The following CACNA2D2 variants were observed in gnomAD, a reference collection of about 807,000 sequenced individuals.
CACNA2D2 encodes the protein voltage-dependent calcium channel subunit alpha-2/delta-2.
A neutral mutation model predicts 166.4 loss-of-function variants in CACNA2D2; 48 were observed. That is an observed-to-expected ratio of 0.29 (90% CI 0.23 to 0.37). The LOEUF (loss-of-function observed/expected upper bound fraction) is 0.37, where lower values mean the gene tolerates loss of function less well. CACNA2D2 is among the 10% of genes least tolerant of loss of function. The probability of loss-of-function intolerance (pLI) is 1.00; values close to 1 mark genes in which losing one functional copy is unlikely to be tolerated. For missense variants in CACNA2D2, 1,122 were observed against 1,433.0 expected (o/e 0.78, Z 3.50); for synonymous variants, 561 against 573.7 (o/e 0.98, Z 0.32).
At chr3:50,404,182 G>C (rs2236958) in intron 3 of CACNA2D2, among the ~76,000 whole-genome samples, 23,850 of 152,134 alleles carry the variant, frequency 0.16, 2,572 homozygotes, top group East Asian at 0.42. Context: ...ACAGAGAATA[G>C]GGATCCAAGA....
At chr3:50,410,400 G>A (rs1206271592) in intron 3 of CACNA2D2, among the ~76,000 whole-genome samples, 2 of 152,204 alleles carry the variant, frequency 1.3e-5, no homozygotes, top group Admixed American at 6.5e-5. Context: ...AGGAGGCAGT[G>A]AGGCTAAGCA....
rs1704452190 is a variant in CACNA2D2 at position 50,368,176 on chromosome 3, A to G, written c.2105T>C (p.Ile702Thr). 2 of 1,613,978 alleles carry G rather than the reference A, an allele frequency of 1.2e-6. No homozygotes were observed. Among genetic ancestry groups the G allele is most frequent in the African/African-American group, 1.3e-5 (1 of 75,056 alleles). ...TGGAGTCACTTTCTCCATGAGCTCA[A>G]TAAAGTTTTTCAGGAACTCGGTGTT... ...DNNTEFLKNF[I>T]ELMEKVTPDS... Residue 702 changes from isoleucine to threonine, a missense_variant, in exon 24 of 38, where the codon ATT becomes ACT. Ile to Thr is a moderately conservative substitution (Grantham distance 89). Coordinates refer to ENST00000424201, the MANE Select transcript of CACNA2D2 (RefSeq NM_006030.4).
Position 50,365,080 on chromosome 3 carries a change from G to T in CACNA2D2, c.3203C>A (p.Thr1068Lys), listed in dbSNP as rs772333671. Residue 1068 changes from threonine (T) to lysine (K), a missense_variant, in exon 36 of 38, where the codon ACG becomes AAG. Physicochemically the swap from Thr to Lys is moderately conservative, Grantham distance 78 (BLOSUM62 -1). Coordinates refer to ENST00000424201, the MANE Select transcript of CACNA2D2 (RefSeq NM_006030.4). The surrounding 1 kb of genome is among the most constrained non-coding windows in gnomAD (Gnocchi z 4.5). ...CEAGRLLQKE[T>K]HSDGPEQCEL... is the part of the protein sequence containing the mutation. ...GGAGGGCGGGGGCAGGATACAGTGC[G>T]TCTCCTTCTGCAGCAGCCGGCCAGC... 1 of 1,611,080 alleles carries T rather than the reference G, an allele frequency of 6.2e-7. No homozygotes were observed. Among genetic ancestry groups the T allele is most frequent in the Non-Finnish European group, 8.5e-7 (1 of 1,179,374 alleles).
intron 1 of CACNA2D2, among the ~76,000 whole-genome samples, chr3:50,483,879 C>G (rs905957564): frequency 6.6e-6 from 1 of 152,194 alleles, no homozygotes; most frequent in Non-Finnish European, 1.5e-5. Context: ...GCATAGCAGC[C>G]AGATCACTAT....
intron 2 of CACNA2D2, among the ~76,000 whole-genome samples, chr3:50,437,130 T>G (rs1051409134): frequency 1.3e-5 from 2 of 152,188 alleles, no homozygotes; most frequent in Non-Finnish European, 2.9e-5. Flanking sequence ...TGCCTGCGGC[T>G]GCATGAGCCC....
At chr3:50,484,449 C>G (rs1698189185) in intron 1 of CACNA2D2, among the ~76,000 whole-genome samples, 2 of 152,186 alleles carry the variant, frequency 1.3e-5, no homozygotes, top group South Asian at 4.1e-4. Context: ...CAAGTCCACC[C>G]AGTGGCCGCA....
chr3:50,488,508 G>A (rs957837428), intron 1 of CACNA2D2, among the ~76,000 whole-genome samples: 2 of 151,948 alleles, frequency 1.3e-5, no homozygotes, highest in African/African-American at 2.4e-5. Flanking sequence ...CCCAGGGTGA[G>A]GGCAGCAGAG....
At chr3:50,404,887 G>A (rs952605804) in intron 3 of CACNA2D2, among the ~76,000 whole-genome samples, 1 of 152,152 alleles carries the variant, frequency 6.6e-6, no homozygotes, top group Non-Finnish European at 1.5e-5. Flanking sequence ...GAATGGCACC[G>A]TCACTGGAAG....
At chr3:50,497,001 T>C (rs1054671008) in intron 1 of CACNA2D2, among the ~76,000 whole-genome samples, 2 of 152,186 alleles carry the variant, frequency 1.3e-5, no homozygotes, top group Admixed American at 1.3e-4. Flanking sequence ...AGATGGATAC[T>C]GATCAGCAGG....
At position 50,367,378 on chromosome 3, in the gene CACNA2D2, C is replaced by T. The variant is rs1415871993; in HGVS notation, c.2401+16G>A. 4 of 1,609,474 alleles carry T rather than the reference C, an allele frequency of 2.5e-6. No individual in the cohort carries two copies. In the Admixed American group the frequency reaches 5.0e-5, roughly 20 times the overall value. ...GGCTCCCTGCCTGCTGCTGGGCACA[C>T]TGCGGGGACACTCACCATCCTGGTG... is the stretch of plus-strand genomic sequence containing the variant. On this transcript the variant is annotated intron_variant, in intron 27 of 37. Coordinates refer to ENST00000424201, the MANE Select transcript of CACNA2D2 (RefSeq NM_006030.4). This position sits in a 1 kb window ranked among gnomAD's most constrained non-coding sequence, Gnocchi z 6.5.
intron 2 of CACNA2D2, among the ~76,000 whole-genome samples, chr3:50,440,396 A>G (rs903645151): frequency 2.6e-5 from 4 of 152,278 alleles, no homozygotes; most frequent in Non-Finnish European, 5.9e-5. Context: ...TTAGGTTCCT[A>G]AGTGGCCATG....
chr3:50,401,991 T>C (rs1166828822), intron 3 of CACNA2D2, among the ~76,000 whole-genome samples: 1 of 152,200 alleles, frequency 6.6e-6, no homozygotes, highest in Non-Finnish European at 1.5e-5. Flanking sequence ...GGGATTACAG[T>C]TGTGAGCCAC....
chr3:50,421,627 G>C (rs747939382), intron 3 of CACNA2D2, among the ~76,000 whole-genome samples: 7 of 152,098 alleles, frequency 4.6e-5, no homozygotes, highest in Non-Finnish European at 1.0e-4. Flanking sequence ...TTCAGCCCTT[G>C]GTACTACAGG....
rs1473294560 is a variant in CACNA2D2 at position 50,363,758 on chromosome 3, G to A, written c.*908C>T. 3 of 153,748 alleles carry A rather than the reference G, an allele frequency of 2.0e-5. No individual in the cohort carries two copies. The highest frequency in any genetic ancestry group is 2.1e-4 in the South Asian group (1 of 4,842). The allele number at this position is 153,748 out of a possible 1,614,324, so 9.5% of individuals were successfully genotyped here. ...ATGGTTACAATGAGCACCTGGAGAG[G>A]TGAGGGGGCACTTGGAGGACACTGG... is the stretch of plus-strand genomic sequence containing the variant. On this transcript the variant is annotated 3_prime_UTR_variant, in exon 38 of 38. Transcript: ENST00000424201.
rs1329097493 is a variant in CACNA2D2 at position 50,380,240 on chromosome 3, A to G, written c.843-222T>C. Among the ~76,000 whole-genome samples, 2 of 152,230 alleles carry G rather than the reference A, an allele frequency of 1.3e-5. No individual in the cohort carries two copies. The highest frequency in any genetic ancestry group is 2.4e-5 in the African/African-American group (1 of 41,458). On this transcript the variant is annotated intron_variant, in intron 8 of 37. Coordinates refer to ENST00000424201, the MANE Select transcript of CACNA2D2 (RefSeq NM_006030.4). The surrounding 1 kb of genome is among the most constrained non-coding windows in gnomAD (Gnocchi z 4.9). ...CAGCAAGGAAAAAGTACCAGGGGGTATATGAGCAGGTGATCCCCAGAGGGG... is the reference window on the plus strand; with the variant it reads ...CAGCAAGGAAAAAGTACCAGGGGGTGTATGAGCAGGTGATCCCCAGAGGGG...
rs1559868539 is a variant in CACNA2D2, at chr3:50,364,516, AAGGC to A, written c.*146_*149del. 14 of 969,378 alleles carry A rather than the reference AAGGC, an allele frequency of 1.4e-5. No individual in the cohort carries two copies. The Middle Eastern group carries it at 9.9e-4, about 69-fold the overall frequency. The allele number at this position is 969,378 out of a possible 1,614,324, so 60.0% of individuals were successfully genotyped here. ...GTCCCGCTTTGGGACTCCCCATCCC[AAGGC>A]GCAGACCAGACTCTCAGGGCCTGGC... On this transcript the variant is annotated 3_prime_UTR_variant, in exon 38 of 38. Transcript: ENST00000424201.
intron 6 of CACNA2D2, among the ~76,000 whole-genome samples, chr3:50,381,899 C>A (rs1042867947): frequency 6.6e-6 from 1 of 151,856 alleles, no homozygotes; most frequent in African/African-American, 2.4e-5. Flanking sequence ...TGCTCACAAC[C>A]CCCTACCATC....
intron 1 of CACNA2D2, among the ~76,000 whole-genome samples, chr3:50,489,963 C>T (rs987256407): frequency 2.6e-5 from 4 of 152,202 alleles, no homozygotes; most frequent in African/African-American, 9.7e-5. Flanking sequence ...AGCAGGGACC[C>T]AGTTGGCCCT....
intron 1 of CACNA2D2, among the ~76,000 whole-genome samples, chr3:50,485,705 G>A (rs1698250996): frequency 6.6e-6 from 1 of 152,310 alleles, no homozygotes; most frequent in Admixed American, 6.5e-5. Context: ...AGGGGTCGGG[G>A]GAGAACCCTT....
Sources: allele counts gnomAD v4.1 joint callset (sites outside exome capture counted in the v4.1 genomes callset), GRCh38; gene constraint gnomAD v4.1.1; non-coding constraint Gnocchi (gnomAD v3.1); transcripts MANE v1.5; gene names NCBI Gene and HGNC (gene_info 2026-07-23, HGNC 2026-07-21).